The following ADAMTS1 variants were observed in gnomAD, a reference collection of about 807,000 sequenced individuals.
ADAMTS1 encodes the protein A disintegrin and metalloproteinase with thrombospondin motifs 1.
In ADAMTS1, 19 loss-of-function variants were observed where a neutral mutation model predicts 87.9. That is an observed-to-expected ratio of 0.22 (90% confidence interval 0.15 to 0.32). ADAMTS1 has a LOEUF of 0.32. ADAMTS1 is among the 10% of genes least tolerant of loss of function. The pLI is 1.00. For synonymous variants in ADAMTS1, 542 were observed against 501.8 expected (o/e 1.08, Z -1.07); for missense variants, 1,240 against 1,259.1 (o/e 0.98, Z 0.23).
At position 26,842,391 on chromosome 21, in the gene ADAMTS1, G is replaced by T. The variant is rs1057503585; in HGVS notation, c.1025C>A (p.Pro342His). ...ATAGTGCTCTGCATCCCGGTCACTG[G>T]GTGGGTTGTGCTGCTTCTGCCAGTT... ...FCNWQKQHNP[P>H]SDRDAEHYDT... The change falls in exon 2 of 9, where the codon CCC becomes CAC. Residue 342 changes from proline (P) to histidine (H), a missense_variant. Physicochemically the swap from Pro to His is moderately conservative, Grantham distance 77. Coordinates refer to ENST00000284984, the MANE Select transcript of ADAMTS1 (RefSeq NM_006988.5). 3.7e-6 allele frequency: 6 copies of T among 1,614,014 alleles called. No homozygotes were observed. The highest frequency in any genetic ancestry group is 3.3e-5 in the Admixed American group (2 of 59,994).
chr21:26,837,661 C>G lies in ADAMTS1; in HGVS notation c.2822G>C (p.Gly941Ala), dbSNP rs1407899032. The G allele has an allele frequency of 1.2e-6, 2 of 1,614,220 alleles. No individual in the cohort carries two copies. The highest frequency in any genetic ancestry group is 1.1e-5 in the South Asian group (1 of 91,088). Residue 941 changes from glycine (G) to alanine (A), a missense_variant, in exon 9 of 9, where the codon GGG (glycine) becomes GCG (alanine). Coordinates refer to ENST00000284984, the MANE Select transcript of ADAMTS1 (RefSeq NM_006988.5). ...RSLKCLSHDG[G>A]VLSHESCDPL... ...ATCACAGCTCTCATGAGATAACACC[C>G]CTCCATCATGGGACAGACACTTCAA...
At position 26,844,462 on chromosome 21, in the gene ADAMTS1, T is replaced by A. The variant is rs1289922008; in HGVS notation, c.493A>T (p.Ser165Cys). Residue 165 changes from serine (S) to cysteine (C), a missense_variant, in exon 1 of 9, where the codon AGC becomes TGC. By Grantham distance (112) the Ser-to-Cys change is moderately radical. This residue lies in a region of ADAMTS1 where 521 missense variants were observed against 449.7 expected (regional missense o/e 1.16). Transcript: ENST00000284984. ...GGGGCGGCGGTGGCGAGGCGCTCGCTGGCGGCGGGCAGCGGCTGGATGAAA... is the reference window on the plus strand; with the variant it reads ...GGGGCGGCGGTGGCGAGGCGCTCGCAGGCGGCGGGCAGCGGCTGGATGAAA... Reference protein sequence around the residue: ...AYFIQPLPAASERLATAAPGE... With the variant: ...AYFIQPLPAACERLATAAPGE... 1 of 1,587,054 alleles carries A rather than the reference T, an allele frequency of 6.3e-7. No individual in the cohort carries two copies. The highest frequency in any genetic ancestry group is 2.3e-5 in the East Asian group (1 of 43,174).
At position 26,844,564 on chromosome 21, in the gene ADAMTS1, C is replaced by T; in HGVS notation, c.391G>A (p.Gly131Ser). 6.2e-7 allele frequency: 1 copy of T among 1,610,716 alleles called. No individual in the cohort carries two copies. Among genetic ancestry groups the T allele is most frequent in the Non-Finnish European group, 8.5e-7 (1 of 1,178,784 alleles). ...AGGGCGGCAGCCGAGCTGGGATCGC[C>T]ATTCACGGTGCCGGAGTAGAAGCAG... ...AHCFYSGTVN[G>S]DPSSAAALSL... The change falls in exon 1 of 9, where the codon GGC (glycine) becomes AGC (serine). Residue 131 changes from glycine (G) to serine (S), a missense_variant. Around this residue, in one of 3 missense-constraint regions of ADAMTS1, gnomAD observed 521 missense variants for 449.7 expected, o/e 1.16. Coordinates refer to ENST00000284984, the MANE Select transcript of ADAMTS1 (RefSeq NM_006988.5).
rs1277643244 is a variant in ADAMTS1, at chr21:26,837,734, A to C, written c.2749T>G (p.Trp917Gly). 1 of 1,613,736 alleles carries C rather than the reference A, an allele frequency of 6.2e-7. No individual in the cohort carries two copies. The highest frequency in any genetic ancestry group is 2.2e-5 in the East Asian group (1 of 44,852). The change falls in exon 9 of 9, where the codon TGG becomes GGG. Residue 917 changes from tryptophan to glycine, a missense_variant. Trp to Gly is a radical substitution (Grantham distance 184). Transcript: ENST00000284984. The part of the protein sequence containing the change: ...HPCPQWQLGE[W>G]SSCSKTCGKG... ...CCACAGGTCTTAGAACATGATGACC[A>C]CTCCCCCAGCTGCCACTGGGGGCAG...
At chr21:26,841,363 C>G (rs1985490539) in intron 3 of ADAMTS1, 198 bp from the exon 4 acceptor site, 4 of 516,978 alleles carry the variant, frequency 7.7e-6, no homozygotes, top group Non-Finnish European at 1.3e-5. Context: ...CCTGTAATCC[C>G]AGCTACTGGG....
At chr21:26,841,636 TAAAC>T (rs1985496510) in intron 3 of ADAMTS1, 1 of 473,162 alleles carries the variant, frequency 2.1e-6, no homozygotes, top group South Asian at 4.6e-5. Context: ...TCACAGGGTG[TAAAC>T]AAACATACAC....
chr21:26,840,443 G>A lies in ADAMTS1; in HGVS notation c.1498C>T (p.Pro500Ser), dbSNP rs775892976. ...FTFGEDSKHC[P>S]DAASTCSTLW... is the part of the protein sequence containing the mutation. ...GTGCTACATGTGCTGGCTGCATCGG[G>A]GCAGTGTTTGGAGTCCTCCCCAAAT... Residue 500 changes from proline (P) to serine (S), a missense_variant, in exon 5 of 9, where the codon CCC (proline) becomes TCC (serine). This residue lies in a region of ADAMTS1 where 317 missense variants were observed against 410.3 expected (regional missense o/e 0.77). Coordinates refer to ENST00000284984, the MANE Select transcript of ADAMTS1 (RefSeq NM_006988.5). 8.7e-6 allele frequency: 14 copies of A among 1,614,024 alleles called. No homozygotes were observed. Among genetic ancestry groups the A allele is most frequent in the Non-Finnish European group, 1.2e-5 (14 of 1,179,910 alleles).
Position 26,841,111 on chromosome 21 carries a change from C to T in ADAMTS1, c.1265G>A (p.Gly422Asp), listed in dbSNP as rs368225593. ...CATCATGTGGGAATCCTGGTTCACA[C>T]CATTAAGGCTGGCACACTGCTTTGC... The part of the protein sequence containing the change: ...DDAKQCASLN[G>D]VNQDSHMMAS... Residue 422 changes from glycine to aspartate, a missense_variant, in exon 4 of 9, where the codon GGT (glycine) becomes GAT (aspartate). Around this residue, in one of 3 missense-constraint regions of ADAMTS1, gnomAD observed 317 missense variants for 410.3 expected, o/e 0.77. Transcript: ENST00000284984. The T allele has an allele frequency of 1.9e-6, 3 of 1,614,126 alleles. No homozygotes were observed. The South Asian group carries it at 3.3e-5, about 18-fold the overall frequency.
intron 1 of ADAMTS1, chr21:26,843,782 G>A (rs1471854784): frequency 8.3e-6 from 4 of 484,076 alleles, no homozygotes; most frequent in Non-Finnish European, 1.7e-5. Context: ...CTCCACATCC[G>A]CCCTCCCGTG....
rs1454931249 is a variant in ADAMTS1, at chr21:26,836,366, TAATTTAA to T, written c.*1206_*1212del. On this transcript the variant is annotated 3_prime_UTR_variant, in exon 9 of 9. Transcript: ENST00000284984. ...TATATGCACTTCCACAAAAGCGATATAATTTAAAAGTTTTTTTCATTAGAAATAAATG... is the reference window on the plus strand; with the variant it reads ...TATATGCACTTCCACAAAAGCGATATAAGTTTTTTTCATTAGAAATAAATG... 1.3e-5 allele frequency: 2 copies of T among 152,602 alleles called. No individual in the cohort carries two copies. Among genetic ancestry groups the T allele is most frequent in the African/African-American group, 4.8e-5 (2 of 41,452 alleles). The allele number at this position is 152,602 out of a possible 1,614,324, so 9.5% of individuals were successfully genotyped here.
At position 26,838,229 on chromosome 21, in the gene ADAMTS1, C is replaced by T. The variant is rs762654704; in HGVS notation, c.2254G>A (p.Glu752Lys). Residue 752 changes from glutamate to lysine, a missense_variant, in exon 9 of 9, where the codon GAA (glutamate) becomes AAA (lysine). Transcript: ENST00000284984. The part of the protein sequence containing the change: ...ITIPTGATNI[E>K]VKQRNQRGSR... ...CCCCTCTGGTTCCGCTGTTTCACTT[C>T]GATGTTGGTGGCTCCAGTTGGAATT... The T allele has an allele frequency of 4.7e-5, 76 of 1,613,412 alleles. No individual in the cohort carries two copies. Among genetic ancestry groups the T allele is most frequent in the Non-Finnish European group, 5.8e-5 (69 of 1,179,696 alleles).
At chr21:26,839,440 G>A in intron 7 of ADAMTS1, 147 bp downstream of exon 7, 1 of 718,344 alleles carries the variant, frequency 1.4e-6, no homozygotes. Flanking sequence ...GCAGGCAGTT[G>A]CCAATTAATG....
Position 26,842,621 on chromosome 21 carries a change from C to T in ADAMTS1, c.795G>A (p.Val265=), listed in dbSNP as rs1344338417. 1 of 1,614,004 alleles carries T rather than the reference C, an allele frequency of 6.2e-7. No individual in the cohort carries two copies. Among genetic ancestry groups the T allele is most frequent in the East Asian group, 2.2e-5 (1 of 44,884 alleles). The change falls in exon 2 of 9, where the codon GTG becomes GTA. Residue 265 remains valine (V), a synonymous_variant. Coordinates refer to ENST00000284984, the MANE Select transcript of ADAMTS1 (RefSeq NM_006988.5). The part of the protein sequence containing the change: ...SSHRYVETML[V]ADQSMAEFHG... ...GGAATTCTGCCATCGACTGGTCTGC[C>T]ACAAGCATGGTTTCCACATAGCGGT...
chr21:26,844,799 G>A lies in ADAMTS1; in HGVS notation c.156C>T (p.Arg52=). The A allele has an allele frequency of 6.5e-7, 1 of 1,543,438 alleles. No individual in the cohort carries two copies. Among genetic ancestry groups the A allele is most frequent in the East Asian group, 2.4e-5 (1 of 41,540 alleles). Residue 52 remains arginine, a synonymous_variant, in exon 1 of 9, where the codon CGC becomes CGT. Transcript: ENST00000284984. ...CTAGCTCCTCGTCCTCCTCGGAGGG[G>A]CGCCCGAGTGCGTCCGACACGGCCA... ...ALLAVSDALG[R]PSEEDEELVV...
In ADAMTS1 at chr21:26,841,228, C is replaced by T. The variant is rs1269157859; in HGVS notation, c.1211-63G>A. 3 of 1,567,642 alleles carry T rather than the reference C, an allele frequency of 1.9e-6. No individual in the cohort carries two copies. In the African/African-American group the frequency reaches 4.1e-5, roughly 21 times the overall value. ...CATGGCTGGGTGCGGTGGCTCACACCTGTAATTCCAGAAGCCGAGGCGGGT... is the reference window on the plus strand; with the variant it reads ...CATGGCTGGGTGCGGTGGCTCACACTTGTAATTCCAGAAGCCGAGGCGGGT... On this transcript the variant is annotated intron_variant, in intron 3 of 8. Transcript: ENST00000284984.
rs748848365 is a variant in ADAMTS1 at position 26,838,145 on chromosome 21, T to TAAG, written c.2335_2337dup (p.Leu779dup). ...AAGGTGGACAAAGTGTAGTCACCAT[T>TAAG]AAGAATATATGTGCCATCAGCAGCT... On this transcript the variant is annotated inframe_insertion, in exon 9 of 9. Coordinates refer to ENST00000284984, the MANE Select transcript of ADAMTS1 (RefSeq NM_006988.5). 1 of 1,614,094 alleles carries TAAG rather than the reference T, an allele frequency of 6.2e-7. No homozygotes were observed. The highest frequency in any genetic ancestry group is 2.2e-5 in the East Asian group (1 of 44,860).
At chr21:26,842,720 G>A in intron 1 of ADAMTS1, 35 bp from the exon 2 acceptor site, 2 of 1,574,436 alleles carry the variant, frequency 1.3e-6, no homozygotes, top group Non-Finnish European at 1.7e-6. Flanking sequence ...TTATGGTCAG[G>A]CTGTCCAAGA....
rs1241286424 is a variant in ADAMTS1 at position 26,837,488 on chromosome 21, G to A, written c.*91C>T. On this transcript the variant is annotated 3_prime_UTR_variant, in exon 9 of 9. Transcript: ENST00000284984. ...GATACACCTCACTGGTTACTGGCAA[G>A]ATACGCTGGATCCCTCCAGCCTTCT... The A allele has an allele frequency of 2.7e-6, 3 of 1,128,632 alleles. No individual in the cohort carries two copies. The highest frequency in any genetic ancestry group is 3.1e-5 in the African/African-American group (2 of 64,206). The allele number at this position is 1,128,632 out of a possible 1,614,324, so 69.9% of individuals were successfully genotyped here.
At position 26,845,027 on chromosome 21, in the gene ADAMTS1, G is replaced by C; in HGVS notation, c.-73C>G. ...CTTTAGTTCGGGTCGGGAGAGCAAAGCCTCGTTGGCCTGCTCTGGATTGTT... is the reference window on the plus strand; with the variant it reads ...CTTTAGTTCGGGTCGGGAGAGCAAACCCTCGTTGGCCTGCTCTGGATTGTT... On this transcript the variant is annotated 5_prime_UTR_variant, in exon 1 of 9. Coordinates refer to ENST00000284984, the MANE Select transcript of ADAMTS1 (RefSeq NM_006988.5). 2.1e-6 allele frequency: 3 copies of C among 1,453,726 alleles called. No homozygotes were observed. The highest frequency in any genetic ancestry group is 2.7e-6 in the Non-Finnish European group (3 of 1,105,930). 90.1% of individuals were successfully genotyped at this position (1,453,726 alleles called of 1,614,324 possible).
Sources: gnomAD v4.1 joint callset for allele counts on GRCh38, gnomAD v4.1.1 for gene constraint, gnomAD v4.1.1 regional missense constraint, MANE v1.5 for transcripts, NCBI Gene and HGNC (gene_info 2026-07-23, HGNC 2026-07-21) for gene names.